DCC: variants seen among roughly 807,000 people sequenced by gnomAD.
DCC encodes the protein DCC netrin 1 receptor.
DCC carries 58 observed loss-of-function variants against 172.5 expected under a neutral mutation model. That is an observed-to-expected ratio of 0.34 (90% CI 0.27 to 0.42). DCC has a LOEUF of 0.42. Among genes scored for constraint, DCC ranks in the 10% least tolerant of loss-of-function variants. The pLI is 1.00. For synonymous variants in DCC, 709 were observed against 644.5 expected, an observed-to-expected ratio of 1.10 and a Z score of -1.52; for missense variants, 1,740 against 1,791.0, an observed-to-expected ratio of 0.97 and a Z score of 0.51.
At position 53,207,769 on chromosome 18, in the gene DCC, G is replaced by A; in HGVS notation, c.1813G>A (p.Gly605Ser). ...SLRFLAYNRY[G>S]PGVSTDDITV... The stretch of plus-strand genomic sequence containing the variant: ...TCGATTCTTAGCTTATAATCGCTAT[G>A]GTCCGGGCGTCTCTACTGATGATAT... Residue 605 changes from glycine to serine, a missense_variant, in exon 11 of 29, where the codon GGT (glycine) becomes AGT (serine). By Grantham distance (56) the Gly-to-Ser change is moderately conservative. Coordinates refer to ENST00000442544, the MANE Select transcript of DCC (RefSeq NM_005215.4). 1 of 1,613,272 alleles carries A rather than the reference G, an allele frequency of 6.2e-7. No homozygotes were observed. Among genetic ancestry groups the A allele is most frequent in the Non-Finnish European group, 8.5e-7 (1 of 1,179,332 alleles).
chr18:52,773,895 G>T (rs2037384505), intron 2 of DCC, among the ~76,000 whole-genome samples: 1 of 152,132 alleles, frequency 6.6e-6, no homozygotes, highest in Non-Finnish European at 1.5e-5. Context: ...TTGTAGGAAA[G>T]ATAAATCAGA....
At chr18:53,083,991 C>CA (rs1232135295) in intron 7 of DCC, among the ~76,000 whole-genome samples, 1 of 152,258 alleles carries the variant, frequency 6.6e-6, no homozygotes, top group East Asian at 1.9e-4. Context: ...CCAGAAAAGG[C>CA]AAATAGATGT....
In DCC at chr18:52,535,424, C is replaced by T. The variant is rs191843160; in HGVS notation, c.91+194546C>T. On this transcript the variant is annotated intron_variant, in intron 1 of 28. Coordinates refer to ENST00000442544, the MANE Select transcript of DCC (RefSeq NM_005215.4). ...GTAATCCTTGCCTAAGTCCTTATTA[C>T]TCATTGTATCCCATTTTGTATACAG... is the stretch of plus-strand genomic sequence containing the variant. 8.5e-5 allele frequency among the ~76,000 whole-genome samples: 13 copies of T among 152,278 alleles called. No individual in the cohort carries two copies. In the East Asian group the frequency reaches 2.5e-3, roughly 29 times the overall value.
chr18:52,432,804 C>T (rs2144473341), intron 1 of DCC, among the ~76,000 whole-genome samples: 1 of 152,222 alleles, frequency 6.6e-6, no homozygotes, highest in South Asian at 2.1e-4. Context: ...TATCTTGAAG[C>T]CTGCAGTGTG....
At chr18:53,397,584 C>A in intron 18 of DCC, 138 bp downstream of exon 18, 3 of 896,980 alleles carry the variant, frequency 3.3e-6, no homozygotes, top group Admixed American at 2.1e-5. Context: ...TAGTTCATAG[C>A]ACTTTTATAT....
Position 53,028,117 on chromosome 18 carries a change from G to A in DCC, c.986-35188G>A, listed in dbSNP as rs145906158. ...AAAATACACTGTGTCCAAGTTAATA[G>A]CATTGCAGAAAACACACTCTCATGT... On this transcript the variant is annotated intron_variant, in intron 5 of 28. Transcript: ENST00000442544. Among the ~76,000 whole-genome samples the A allele has an allele frequency of 2.4e-3, 372 of 152,214 alleles. 1 individual carries two copies. The highest frequency in any genetic ancestry group is 8.7e-3 in the African/African-American group (361 of 41,546).
At chr18:52,361,133 A>C (rs1984600615) in intron 1 of DCC, among the ~76,000 whole-genome samples, 1 of 152,206 alleles carries the variant, frequency 6.6e-6, no homozygotes, top group Admixed American at 6.5e-5. Flanking sequence ...TTTAATATAC[A>C]TTTCTATCCT....
At chr18:52,774,825 C>A (rs569240944) in intron 2 of DCC, among the ~76,000 whole-genome samples, 6 of 152,168 alleles carry the variant, frequency 3.9e-5, no homozygotes, top group Admixed American at 3.3e-4. Context: ...TATATGACAC[C>A]TCTAGGAATA....
At chr18:52,597,093 G>A (rs2033923915) in intron 1 of DCC, among the ~76,000 whole-genome samples, 1 of 146,290 alleles carries the variant, frequency 6.8e-6, no homozygotes, top group Admixed American at 6.8e-5. Flanking sequence ...GAAAGACTCG[G>A]TGAAATTCTT....
intron 22 of DCC, among the ~76,000 whole-genome samples, chr18:53,445,072 T>C (rs944010071): frequency 4.6e-5 from 7 of 152,194 alleles, no homozygotes; most frequent in Non-Finnish European, 1.0e-4. Context: ...ATAAATATGT[T>C]CTGAAACTTA....
intron 1 of DCC, among the ~76,000 whole-genome samples, chr18:52,611,982 T>G (rs1258825484): frequency 6.6e-6 from 1 of 152,144 alleles, no homozygotes; most frequent in Non-Finnish European, 1.5e-5. Flanking sequence ...GGTTTTGGCA[T>G]TGGATTTTTT....
chr18:52,817,223 G>A (rs1038167637), intron 2 of DCC, among the ~76,000 whole-genome samples: 1 of 152,018 alleles, frequency 6.6e-6, no homozygotes, highest in South Asian at 2.1e-4. Flanking sequence ...CTATTCCATT[G>A]ATCAGGCCAA....
intron 1 of DCC, among the ~76,000 whole-genome samples, chr18:52,592,468 T>C (rs1299696842): frequency 6.6e-6 from 1 of 152,320 alleles, no homozygotes; most frequent in East Asian, 1.9e-4. Context: ...GTTAGGTTGT[T>C]GGCGGAATTC....
intron 12 of DCC, among the ~76,000 whole-genome samples, chr18:53,285,727 G>A (rs1337733903): frequency 1.3e-5 from 2 of 152,274 alleles, no homozygotes; most frequent in Middle Eastern, 3.4e-3. Flanking sequence ...CATGCACCTG[G>A]AGAAGCCACA....
intron 1 of DCC, among the ~76,000 whole-genome samples, chr18:52,625,568 A>T (rs1018385929): frequency 6.6e-6 from 1 of 151,994 alleles, no homozygotes; most frequent in African/African-American, 2.4e-5. Flanking sequence ...TCTCTACTTC[A>T]TCATTACATT....
At chr18:53,299,978 C>T (rs1568039435) in intron 12 of DCC, among the ~76,000 whole-genome samples, 1 of 151,950 alleles carries the variant, frequency 6.6e-6, no homozygotes, top group East Asian at 1.9e-4. Flanking sequence ...AAAGTAAGTG[C>T]AAAAAATATG....
intron 3 of DCC, among the ~76,000 whole-genome samples, chr18:52,921,906 G>T (rs1312135372): frequency 6.6e-6 from 1 of 151,768 alleles, no homozygotes; most frequent in Non-Finnish European, 1.5e-5. Context: ...TTCTACCGAG[G>T]AGCAGATGGT....
At chr18:53,304,738 C>A (rs776392867) in intron 12 of DCC, among the ~76,000 whole-genome samples, 2 of 152,136 alleles carry the variant, frequency 1.3e-5, no homozygotes, top group Admixed American at 6.5e-5. Context: ...TAAGCAGGAA[C>A]AATGTCTAGG....
intron 2 of DCC, among the ~76,000 whole-genome samples, chr18:52,819,446 A>T (rs2038364039): frequency 1.3e-5 from 2 of 152,202 alleles, no homozygotes; most frequent in Non-Finnish European, 1.5e-5. Flanking sequence ...AAAATTATAT[A>T]TCTGGTTATT....
Sources: allele counts gnomAD v4.1 joint callset (sites outside exome capture counted in the v4.1 genomes callset), GRCh38; gene constraint gnomAD v4.1.1; transcripts MANE v1.5; gene names NCBI Gene and HGNC (gene_info 2026-07-23, HGNC 2026-07-21).